The following CCDC85C variants were observed in gnomAD, a reference collection of about 807,000 sequenced individuals.
The protein encoded by CCDC85C is coiled-coil domain-containing protein 85C.
In CCDC85C, 18 loss-of-function variants were observed where a neutral mutation model predicts 38.3. The observed-to-expected ratio is 0.47, with a 90% CI of 0.33 to 0.70. The LOEUF (loss-of-function observed/expected upper bound fraction) is 0.70. Among genes scored for constraint, CCDC85C ranks in the 30% least tolerant of loss-of-function variants. The probability of loss-of-function intolerance (pLI) is 0.03; values close to 1 mark genes in which losing one functional copy is unlikely to be tolerated. For synonymous variants in CCDC85C, 264 were observed against 293.8 expected (o/e 0.90, Z 1.04); for missense variants, 566 against 621.2 (o/e 0.91, Z 0.94).
In CCDC85C at chr14:99,591,138, T is replaced by C. The variant is rs1225799686; in HGVS notation, c.793+12029A>G. ...AGGGAGGGGGTGCCTCGCTGGCCGATGTCCAATCTGTCCCCACCCCACCGT... is the reference window on the plus strand; with the variant it reads ...AGGGAGGGGGTGCCTCGCTGGCCGACGTCCAATCTGTCCCCACCCCACCGT... On this transcript the variant is annotated intron_variant, in intron 1 of 5. Transcript: ENST00000380243. Among the ~76,000 whole-genome samples the C allele has an allele frequency of 2.0e-5, 3 of 152,196 alleles. No individual in the cohort carries two copies. The East Asian group carries it at 5.8e-4, about 29-fold the overall frequency.
At chr14:99,525,810 T>C (rs12896387) in intron 2 of CCDC85C, among the ~76,000 whole-genome samples, 133,474 of 152,204 alleles carry the variant, frequency 0.88, 60,538 homozygotes, top group East Asian at 1. Context: ...GAAGGAGTCC[T>C]CGTGGAGGGG....
In CCDC85C at chr14:99,603,287, G is replaced by A. The variant is rs985013470; in HGVS notation, c.673C>T (p.Pro225Ser). The A allele has an allele frequency of 7.3e-7, 1 of 1,376,764 alleles. No homozygotes were observed. The highest frequency in any genetic ancestry group is 9.3e-7 in the Non-Finnish European group (1 of 1,070,238). The allele number at this position is 1,376,764 out of a possible 1,614,324, so 85.3% of individuals were successfully genotyped here. ...TGCGGCCCGGGGGGCAGCAGCGGGGGTGGGACGTGGTGGTGGTGGTCGGGG... is the reference window on the plus strand; with the variant it reads ...TGCGGCCCGGGGGGCAGCAGCGGGGATGGGACGTGGTGGTGGTGGTCGGGG... ...GSPDHHHHVPPPLLPPGPHKA... is the reference protein window; with the variant it reads ...GSPDHHHHVPSPLLPPGPHKA... The change falls in exon 1 of 6, where the codon CCC becomes TCC. Residue 225 changes from proline (P) to serine (S), a missense_variant. Transcript: ENST00000380243. The surrounding 1 kb of genome is among the most constrained non-coding windows in gnomAD (Gnocchi z 7.5).
chr14:99,520,943 T>C lies in CCDC85C; in HGVS notation c.975+1190A>G, dbSNP rs929909785. ...AGCATTTTATCCGCACTCTCAGGCCTTGAGGCTCGGCCCATGCCTGAGGTG... is the reference window on the plus strand; with the variant it reads ...AGCATTTTATCCGCACTCTCAGGCCCTGAGGCTCGGCCCATGCCTGAGGTG... On this transcript the variant is annotated intron_variant, in intron 3 of 5. Transcript: ENST00000380243. This position sits in a 1 kb window ranked among gnomAD's most constrained non-coding sequence, Gnocchi z 4.1. Among the ~76,000 whole-genome samples, 2 of 152,256 alleles carry C rather than the reference T, an allele frequency of 1.3e-5. No homozygotes were observed. The highest frequency in any genetic ancestry group is 3.9e-4 in the East Asian group (2 of 5,194).
rs1896915477 is a variant in CCDC85C, at chr14:99,504,233, A to G, written c.*11013T>C. The G allele has an allele frequency of 5.1e-6, 1 of 197,326 alleles. No individual in the cohort carries two copies. The highest frequency in any genetic ancestry group is 2.4e-5 in the African/African-American group (1 of 41,830). The allele number at this position is 197,326 out of a possible 1,614,324, so 12.2% of individuals were successfully genotyped here. ...AAATGTTTTGTCACAGGGTCAGTCC[A>G]CCTATCATACTGAACTCTTTGAAGG... On this transcript the variant is annotated 3_prime_UTR_variant, in exon 6 of 6. Transcript: ENST00000380243.
At chr14:99,546,233 G>A (rs905894757) in intron 1 of CCDC85C, among the ~76,000 whole-genome samples, 1 of 151,960 alleles carries the variant, frequency 6.6e-6, no homozygotes, top group African/African-American at 2.4e-5. Context: ...GAGCTGGGGG[G>A]CCGGGATGAT....
At chr14:99,565,668 T>A (rs1898202073) in intron 1 of CCDC85C, among the ~76,000 whole-genome samples, 1 of 152,164 alleles carries the variant, frequency 6.6e-6, no homozygotes, top group Non-Finnish European at 1.5e-5. Context: ...CTCTCCCTGG[T>A]GCAGGTGGAT....
chr14:99,537,362 A>AG (rs1446576004), intron 1 of CCDC85C, among the ~76,000 whole-genome samples: 2 of 152,138 alleles, frequency 1.3e-5, no homozygotes, highest in East Asian at 3.9e-4. Context: ...CTGGGGGGAC[A>AG]GGGGCTTGGG....
intron 2 of CCDC85C, among the ~76,000 whole-genome samples, chr14:99,525,366 T>A (rs576145532): frequency 3.3e-5 from 5 of 152,096 alleles, no homozygotes; most frequent in Admixed American, 1.3e-4. Flanking sequence ...CTAGGGAGCA[T>A]TGTCAGAGGG....
chr14:99,517,066 G>A (rs1307436858), intron 4 of CCDC85C, 22 bp downstream of exon 4: 1 of 1,546,976 alleles, frequency 6.5e-7, no homozygotes, highest in African/African-American at 1.4e-5. Context: ...GGACTTCTGA[G>A]GGAGCGGGTA....
At position 99,502,750 on chromosome 14, in the gene CCDC85C, A is replaced by G. The variant is rs372835830; in HGVS notation, c.*12496T>C. The G allele has an allele frequency of 4.8e-5, 78 of 1,613,464 alleles. 2 individuals are homozygous for G. The highest frequency in any genetic ancestry group is 3.6e-4 in the East Asian group (16 of 44,894). On this transcript the variant is annotated 3_prime_UTR_variant, in exon 6 of 6. Coordinates refer to ENST00000380243, the MANE Select transcript of CCDC85C (RefSeq NM_001144995.2). ...GCCACCAAATCCTGGATCTTTACTC[A>G]CAAGGAAAACAACAGATGCCTCATC...
At position 99,580,856 on chromosome 14, in the gene CCDC85C, C is replaced by T. The variant is rs1318050604; in HGVS notation, c.793+22311G>A. On this transcript the variant is annotated intron_variant, in intron 1 of 5. Coordinates refer to ENST00000380243, the MANE Select transcript of CCDC85C (RefSeq NM_001144995.2). ...CTCTAGCCTGGGTGATAGAGCAAGACTCCATCTCAAGAAAATTAAAAAGGA... is the reference window on the plus strand; with the variant it reads ...CTCTAGCCTGGGTGATAGAGCAAGATTCCATCTCAAGAAAATTAAAAAGGA... Among the ~76,000 whole-genome samples the T allele has an allele frequency of 3.3e-5, 5 of 152,260 alleles. No homozygotes were observed. In the East Asian group the frequency reaches 5.8e-4, roughly 18 times the overall value.
rs761065793 is a variant in CCDC85C, at chr14:99,520,441, ACGGCCCCTG to A, written c.975+1683_975+1691del. ...GCCTGCCCGCCGACCAGCCCCGATCACGGCCCCTGCACCTCAGTTCATCCCATTCCTGGG... is the reference window on the plus strand; with the variant it reads ...GCCTGCCCGCCGACCAGCCCCGATCACACCTCAGTTCATCCCATTCCTGGG... On this transcript the variant is annotated intron_variant, in intron 3 of 5. Transcript: ENST00000380243. The surrounding 1 kb of genome is among the most constrained non-coding windows in gnomAD (Gnocchi z 4.1). 0.49 allele frequency among the ~76,000 whole-genome samples: 49,093 copies of A among 100,162 alleles called. 11,598 individuals carry two copies. Among genetic ancestry groups the A allele is most frequent in the East Asian group, 0.67 (2,522 of 3,790 alleles). The allele number at this position is 100,162 out of a possible 152,430, so 65.7% of individuals were successfully genotyped here.
Position 99,501,668 on chromosome 14 carries a change from A to G in CCDC85C, c.*13578T>C. The stretch of plus-strand genomic sequence containing the variant: ...CCAGTCTGAAACATAAGTCCAAAAC[A>G]ATACACTGGAGAATTTTGAAAACTA... On this transcript the variant is annotated 3_prime_UTR_variant, in exon 6 of 6. Transcript: ENST00000380243. 1 of 456,248 alleles carries G rather than the reference A, an allele frequency of 2.2e-6. No individual in the cohort carries two copies. The highest frequency in any genetic ancestry group is 3.9e-6 in the Non-Finnish European group (1 of 259,448). The allele number at this position is 456,248 out of a possible 1,614,324, so 28.3% of individuals were successfully genotyped here. A position where few individuals can be genotyped will look rare whatever the true frequency, so the allele number is the denominator to read the frequency against.
At chr14:99,565,843 G>A (rs1274017401) in intron 1 of CCDC85C, among the ~76,000 whole-genome samples, 1 of 152,232 alleles carries the variant, frequency 6.6e-6, no homozygotes, top group East Asian at 1.9e-4. Flanking sequence ...GGCCAGGGAG[G>A]AGGGTGGGGA....
intron 1 of CCDC85C, among the ~76,000 whole-genome samples, chr14:99,543,965 G>A (rs895237513): frequency 2.6e-5 from 4 of 152,200 alleles, no homozygotes; most frequent in Non-Finnish European, 4.4e-5. Flanking sequence ...CAAGCTCAGC[G>A]ATGCCTTCCA....
chr14:99,546,803 C>T (rs1014709551), intron 1 of CCDC85C, among the ~76,000 whole-genome samples: 1 of 152,114 alleles, frequency 6.6e-6, no homozygotes. Flanking sequence ...ACCCAGAAAA[C>T]AGTAAAACTC....
intron 1 of CCDC85C, among the ~76,000 whole-genome samples, chr14:99,573,369 C>G (rs1898399458): frequency 6.6e-6 from 1 of 152,238 alleles, no homozygotes; most frequent in South Asian, 2.1e-4. Context: ...TTTTCCCAAT[C>G]CCCTTAGAAG....
rs935945685 is a variant in CCDC85C at position 99,505,496 on chromosome 14, A to G, written c.*9750T>C. 4.9e-5 allele frequency: 4 copies of G among 81,284 alleles called. No homozygotes were observed. The highest frequency in any genetic ancestry group is 1.5e-4 in the Admixed American group (1 of 6,542). The allele number at this position is 81,284 out of a possible 1,614,324, so 5.0% of individuals were successfully genotyped here. On this transcript the variant is annotated 3_prime_UTR_variant, in exon 6 of 6. Transcript: ENST00000380243. ...CATGTTGAAATAAAATTTTCGATCT[A>G]TCGGGTTAAATAAATTTTATCCTTT...
chr14:99,521,954 T>A (rs1393627333), intron 3 of CCDC85C, among the ~76,000 whole-genome samples, 179 bp downstream of exon 3: 1 of 152,224 alleles, frequency 6.6e-6, no homozygotes, highest in Non-Finnish European at 1.5e-5. Flanking sequence ...TCCAGCAGTG[T>A]CAACCCACCT....
Sources: allele counts gnomAD v4.1 joint callset (sites outside exome capture counted in the v4.1 genomes callset), GRCh38; gene constraint gnomAD v4.1.1; non-coding constraint Gnocchi (gnomAD v3.1); transcripts MANE v1.5; gene names NCBI Gene and HGNC (gene_info 2026-07-23, HGNC 2026-07-21).